Variants in CELF2 observed in about 807,000 individuals in gnomAD.
The protein encoded by CELF2 is CUG triplet repeat RNA-binding protein 2.
In CELF2, 8 loss-of-function variants were observed where a neutral mutation model predicts 62.6. The ratio of observed to expected loss-of-function variants is 0.13; its 90% CI spans 0.07 to 0.23. The LOEUF is 0.23. Among genes scored for constraint, CELF2 ranks in the 10% least tolerant of loss-of-function variants. The pLI is 1.00. For synonymous variants in CELF2, 258 were observed against 250.0 expected, an observed-to-expected ratio of 1.03 and a Z score of -0.30; for missense variants, 333 against 671.0, an observed-to-expected ratio of 0.50 and a Z score of 5.56.
chr10:11,190,673 T>C (rs2076086120), intron 2 of CELF2, among the ~76,000 whole-genome samples: 1 of 150,808 alleles, frequency 6.6e-6, no homozygotes, highest in African/African-American at 2.4e-5. Flanking sequence ...GGAGAGCTTC[T>C]GTCCTCGAAA....
At chr10:10,959,764 A>G (rs1198827962) in intron 2 of CELF2, among the ~76,000 whole-genome samples, 4 of 152,122 alleles carry the variant, frequency 2.6e-5, no homozygotes, top group Non-Finnish European at 4.4e-5. Flanking sequence ...ACACAGAATG[A>G]CCCCATACCC....
rs17526773 is a variant in CELF2, at chr10:11,316,416, A to G, written c.1096+2158A>G. The stretch of plus-strand genomic sequence containing the variant: ...AATCTCCAGCATTGACCTCGAGCTA[A>G]TATTTGCTGCTTGTCTCTAAATATC... On this transcript the variant is annotated intron_variant, in intron 10 of 12. Transcript: ENST00000633077. The surrounding 1 kb of genome is among the most constrained non-coding windows in gnomAD (Gnocchi z 4.4). Among the ~76,000 whole-genome samples the G allele has an allele frequency of 0.018, 2,698 of 152,328 alleles. 31 individuals are homozygous for G. The highest frequency in any genetic ancestry group is 0.027 in the Admixed American group (407 of 15,298).
chr10:11,023,957 G>A (rs972524426), intron 1 of CELF2, among the ~76,000 whole-genome samples: 1 of 152,130 alleles, frequency 6.6e-6, no homozygotes, highest in African/African-American at 2.4e-5. Flanking sequence ...TTCAGGTTTT[G>A]GTTAAATTTT....
chr10:10,835,765 G>T (rs1202221552), intron 1 of CELF2, among the ~76,000 whole-genome samples: 2 of 152,170 alleles, frequency 1.3e-5, no homozygotes, highest in African/African-American at 4.8e-5. Context: ...AAGAGGCATA[G>T]TTTATCCCTC....
At chr10:10,679,498 C>T in the CELF2 span, among the ~76,000 whole-genome samples, 1 of 152,172 alleles carries the variant, frequency 6.6e-6, no homozygotes, top group Non-Finnish European at 1.5e-5. Context: ...CCATGTTGGC[C>T]AGGCTGGTCT....
At chr10:10,526,773 T>C in the CELF2 span, among the ~76,000 whole-genome samples, 1 of 152,246 alleles carries the variant, frequency 6.6e-6, no homozygotes, top group Admixed American at 6.5e-5. Context: ...GAAGACAGCA[T>C]TGATTTCTGT....
At chr10:10,496,232 C>T in the CELF2 span, among the ~76,000 whole-genome samples, 1 of 152,214 alleles carries the variant, frequency 6.6e-6, no homozygotes, top group Non-Finnish European at 1.5e-5. Context: ...CACTTTCCTT[C>T]TATGACAAGT....
At chr10:10,832,679 C>A in intron 1 of CELF2, among the ~76,000 whole-genome samples, 1 of 152,106 alleles carries the variant, frequency 6.6e-6, no homozygotes, top group Non-Finnish European at 1.5e-5. Context: ...AATCCCATAC[C>A]GGATCCATTT....
intron 1 of CELF2, among the ~76,000 whole-genome samples, chr10:10,820,704 C>A: frequency 6.6e-6 from 1 of 152,320 alleles, no homozygotes; most frequent in Non-Finnish European, 1.5e-5. Flanking sequence ...AATCGTTACT[C>A]ACACTGAGAT....
At chr10:11,179,938 A>G (rs940731711) in intron 2 of CELF2, among the ~76,000 whole-genome samples, 2 of 152,166 alleles carry the variant, frequency 1.3e-5, no homozygotes, top group African/African-American at 4.8e-5. Context: ...TTCTCAAAAT[A>G]GTCCTAAACC....
At chr10:10,880,217 G>C (rs1254247482) in intron 1 of CELF2, among the ~76,000 whole-genome samples, 1 of 152,186 alleles carries the variant, frequency 6.6e-6, no homozygotes, top group East Asian at 1.9e-4. Flanking sequence ...GTCCTACAGA[G>C]ACTGTGAGGG....
chr10:10,896,821 C>T (rs2062588326), intron 1 of CELF2, among the ~76,000 whole-genome samples: 1 of 152,178 alleles, frequency 6.6e-6, no homozygotes, highest in African/African-American at 2.4e-5. Context: ...GTTTCTGGTA[C>T]AGATGCCCAT....
the CELF2 span, among the ~76,000 whole-genome samples, chr10:10,535,446 G>A: frequency 6.6e-6 from 1 of 152,140 alleles, no homozygotes; most frequent in Non-Finnish European, 1.5e-5. Context: ...TGGACCGGGT[G>A]CGGTGGCTCA....
At chr10:11,080,843 C>T (rs2073826756) in intron 1 of CELF2, among the ~76,000 whole-genome samples, 1 of 152,196 alleles carries the variant, frequency 6.6e-6, no homozygotes, top group Admixed American at 6.5e-5. Context: ...ATTATATGAA[C>T]CACAAGTTGA....
the CELF2 span, among the ~76,000 whole-genome samples, chr10:10,482,480 T>G: frequency 6.6e-6 from 1 of 152,236 alleles, no homozygotes; most frequent in Non-Finnish European, 1.5e-5. Flanking sequence ...TAAAAAAGTT[T>G]CCTTCACTGT....
chr10:11,275,232 C>A, intron 8 of CELF2, 112 bp downstream of exon 8: 2 of 1,079,152 alleles, frequency 1.9e-6, no homozygotes, highest in Non-Finnish European at 1.4e-6. Context: ...GATGATCAGA[C>A]TTGTTAGCTT....
At chr10:10,914,098 G>A (rs2064100913) in intron 1 of CELF2, among the ~76,000 whole-genome samples, 1 of 148,632 alleles carries the variant, frequency 6.7e-6, no homozygotes, top group Admixed American at 6.8e-5. Context: ...TTTTAGGACA[G>A]GCAATACAAA....
chr10:11,283,572 T>G (rs2089767720), intron 8 of CELF2, among the ~76,000 whole-genome samples: 2 of 130,530 alleles, frequency 1.5e-5, no homozygotes, highest in Admixed American at 8.1e-5. Context: ...GATGGGTGGG[T>G]GGGTAGATGG....
At chr10:10,757,044 A>C in the CELF2 span, among the ~76,000 whole-genome samples, 10 of 152,190 alleles carry the variant, frequency 6.6e-5, no homozygotes, top group Non-Finnish European at 1.5e-4. Flanking sequence ...CGGGAGGCTG[A>C]GGCAGGAGAA....
Sources: gnomAD v4.1 joint callset for allele counts (sites outside exome capture counted in the v4.1 genomes callset) on GRCh38, gnomAD v4.1.1 for gene constraint, Gnocchi (gnomAD v3.1) non-coding constraint, MANE v1.5 for transcripts, NCBI Gene and HGNC (gene_info 2026-07-23, HGNC 2026-07-21) for gene names.